ILDR1: variants seen among roughly 807,000 people sequenced by gnomAD.
ILDR1 encodes the protein immunoglobulin-like domain-containing receptor 1.
Under a neutral mutation model 62.4 loss-of-function variants are expected in ILDR1, and 56 were observed. The observed-to-expected ratio is 0.90, with a 90% CI of 0.72 to 1.12. The LOEUF is 1.12. ILDR1 is among the 50% of genes most tolerant of loss of function. The pLI is 0.00. For synonymous variants in ILDR1, 284 were observed against 277.8 expected (o/e 1.02, Z -0.22); for missense variants, 736 against 710.6 (o/e 1.04, Z -0.41).
chr3:122,054,998 G>T, the ILDR1 span, among the ~76,000 whole-genome samples: 1 of 151,752 alleles, frequency 6.6e-6, no homozygotes, highest in South Asian at 2.1e-4. Flanking sequence ...AAATTGGCAG[G>T]GTTAGGTGGC....
chr3:122,057,615 TA>T, the ILDR1 span, among the ~76,000 whole-genome samples: 1 of 152,098 alleles, frequency 6.6e-6, no homozygotes, highest in African/African-American at 2.4e-5. Context: ...ATTTAAGATT[TA>T]AAAAAAACAA....
Position 122,011,829 on chromosome 3 carries a change from C to T in ILDR1, c.59-4668G>A, listed in dbSNP as rs2071708791. Among the ~76,000 whole-genome samples the T allele has an allele frequency of 5.3e-5, 8 of 152,178 alleles. No individual in the cohort carries two copies. The South Asian group carries it at 1.5e-3, about 28-fold the overall frequency. ...ATTCTTGGTCTCTAAATCTCACAAA[C>T]CCCCTCAGCTAGGCAACAGCCCTGC... On this transcript the variant is annotated intron_variant, in intron 1 of 7. Transcript: ENST00000344209.
chr3:122,019,491 T>C (rs1218759025), intron 1 of ILDR1, among the ~76,000 whole-genome samples: 1 of 152,164 alleles, frequency 6.6e-6, no homozygotes, highest in Admixed American at 6.5e-5. Context: ...AGAGGAAGCT[T>C]GATCTTCAGT....
At chr3:122,001,641 C>T (rs1369411916) in intron 4 of ILDR1, 104 bp downstream of exon 4, 3 of 1,552,880 alleles carry the variant, frequency 1.9e-6, no homozygotes, top group Non-Finnish European at 2.7e-6. Context: ...AATCCAATGA[C>T]AAGAACTTAG....
At chr3:122,005,071 A>G (rs1456329556) in intron 3 of ILDR1, among the ~76,000 whole-genome samples, 173 bp downstream of exon 3, 1 of 152,206 alleles carries the variant, frequency 6.6e-6, no homozygotes, top group Non-Finnish European at 1.5e-5. Context: ...AAGTCACTTC[A>G]GCTGGTGCAG....
chr3:122,043,083 G>C, the ILDR1 span, among the ~76,000 whole-genome samples: 29 of 138,692 alleles, frequency 2.1e-4, no homozygotes, highest in African/African-American at 7.9e-4. Flanking sequence ...ATCTTGAATT[G>C]ATTTTTGTAT....
chr3:122,017,421 A>G (rs1350386016), intron 1 of ILDR1, among the ~76,000 whole-genome samples: 2 of 152,232 alleles, frequency 1.3e-5, no homozygotes, highest in Admixed American at 6.5e-5. Flanking sequence ...ATAAATTATT[A>G]TGGTAAAAGA....
chr3:122,057,618 A>G, the ILDR1 span, among the ~76,000 whole-genome samples: 1 of 152,252 alleles, frequency 6.6e-6, no homozygotes, highest in Non-Finnish European at 1.5e-5. Context: ...TAAGATTTAA[A>G]AAAAACAATA....
At chr3:122,016,146 A>G (rs1279906387) in intron 1 of ILDR1, among the ~76,000 whole-genome samples, 1 of 152,070 alleles carries the variant, frequency 6.6e-6, no homozygotes, top group Non-Finnish European at 1.5e-5. Context: ...CATACACACT[A>G]AGCTCCTATC....
rs1381082714 is a variant in ILDR1, at chr3:121,994,323, A to G, written c.647-10T>C. 1 of 1,529,680 alleles carries G rather than the reference A, an allele frequency of 6.5e-7. No homozygotes were observed. The highest frequency in any genetic ancestry group is 2.5e-5 in the East Asian group (1 of 40,734). 94.8% of individuals were successfully genotyped at this position (1,529,680 alleles called of 1,614,324 possible). A position where few individuals can be genotyped will look rare whatever the true frequency, so the allele number is the denominator to read the frequency against. On this transcript the variant is annotated splice_polypyrimidine_tract_variant and intron_variant, in intron 5 of 7. Coordinates refer to ENST00000344209, the MANE Select transcript of ILDR1 (RefSeq NM_001199799.2). ...CGGTGGCGGGCCAGGGCTGCAGGGA[A>G]AGAAGGAGAAATGCAGGCCCTCAGC...
At chr3:122,008,284 G>A (rs1432614364) in intron 1 of ILDR1, among the ~76,000 whole-genome samples, 2 of 152,232 alleles carry the variant, frequency 1.3e-5, no homozygotes, top group Admixed American at 6.5e-5. Context: ...AGCTCCAGGT[G>A]TGCCTTGATA....
intron 3 of ILDR1, among the ~76,000 whole-genome samples, chr3:122,002,861 A>G (rs1028508259): frequency 1.3e-5 from 2 of 152,204 alleles, no homozygotes; most frequent in Non-Finnish European, 2.9e-5. Flanking sequence ...TAAGATCATC[A>G]GGGTGGACAG....
Position 122,021,945 on chromosome 3 carries a change from A to G in ILDR1, c.58+75T>C, listed in dbSNP as rs557021854. On this transcript the variant is annotated intron_variant, in intron 1 of 7. Coordinates refer to ENST00000344209, the MANE Select transcript of ILDR1 (RefSeq NM_001199799.2). ...GGCCTCCACTGCCCTGCCCGCGGCC[A>G]GCTCTGCAAGGCCACGCCACAATGG... is the stretch of plus-strand genomic sequence containing the variant. 1.2e-3 allele frequency: 1,734 copies of G among 1,434,792 alleles called. 19 individuals carry two copies. Among genetic ancestry groups the G allele is most frequent in the South Asian group, 6.3e-3 (517 of 82,140 alleles). 88.9% of individuals were successfully genotyped at this position (1,434,792 alleles called of 1,614,324 possible). A position where few individuals can be genotyped will look rare whatever the true frequency, so the allele number is the denominator to read the frequency against.
chr3:121,996,412 C>T (rs2071436009), intron 5 of ILDR1, among the ~76,000 whole-genome samples: 1 of 152,220 alleles, frequency 6.6e-6, no homozygotes, highest in South Asian at 2.1e-4. Flanking sequence ...CTCACCCTTC[C>T]TTCTTGCACT....
At chr3:122,007,760 C>G (rs78167120) in intron 1 of ILDR1, among the ~76,000 whole-genome samples, 1 of 152,172 alleles carries the variant, frequency 6.6e-6, no homozygotes, top group African/African-American at 2.4e-5. Flanking sequence ...ACTCTCTTCC[C>G]TGGGCTAATT....
intron 1 of ILDR1, among the ~76,000 whole-genome samples, chr3:122,014,099 T>C (rs1338016582): frequency 6.6e-6 from 1 of 152,232 alleles, no homozygotes; most frequent in Non-Finnish European, 1.5e-5. Flanking sequence ...TTCTAAATGG[T>C]TGAGATTTAA....
intron 1 of ILDR1, among the ~76,000 whole-genome samples, chr3:122,010,208 C>T (rs1178632341): frequency 6.6e-6 from 1 of 152,068 alleles, no homozygotes; most frequent in Non-Finnish European, 1.5e-5. Flanking sequence ...GTGTCTCCAG[C>T]TTTATGGAAA....
intron 5 of ILDR1, among the ~76,000 whole-genome samples, chr3:121,995,296 C>T (rs777306790): frequency 2.6e-5 from 4 of 152,134 alleles, no homozygotes; most frequent in Non-Finnish European, 4.4e-5. Flanking sequence ...TCAGTGTGAA[C>T]GAGGTTAGGC....
chr3:122,039,836 TA>T, the ILDR1 span, among the ~76,000 whole-genome samples: 4 of 151,892 alleles, frequency 2.6e-5, no homozygotes, highest in African/African-American at 9.7e-5. Flanking sequence ...ATAACATGGG[TA>T]AAAATAAAAT....
Sources: allele counts gnomAD v4.1 joint callset (sites outside exome capture counted in the v4.1 genomes callset), GRCh38; gene constraint gnomAD v4.1.1; transcripts MANE v1.5; gene names NCBI Gene and HGNC (gene_info 2026-07-23, HGNC 2026-07-21).